CD109: variants seen among roughly 807,000 people sequenced by gnomAD.
CD109 encodes the protein CD109 antigen.
In CD109, 149 loss-of-function variants were observed where a neutral mutation model predicts 165.8. The observed-to-expected ratio is 0.90, with a 90% CI of 0.79 to 1.03. CD109 has a LOEUF of 1.03. Ranked by LOEUF, CD109 falls within the 50% of genes least tolerant of loss-of-function variation. The probability of loss-of-function intolerance (pLI) is 0.00; values close to 1 mark genes in which losing one functional copy is unlikely to be tolerated. For synonymous variants in CD109, 585 were observed against 592.1 expected, an observed-to-expected ratio of 0.99 and a Z score of 0.18; for missense variants, 1,712 against 1,677.8, an observed-to-expected ratio of 1.02 and a Z score of -0.36.
intron 2 of CD109, among the ~76,000 whole-genome samples, chr6:73,711,794 C>T (rs1357445575): frequency 1.5e-4 from 1 of 6,484 alleles, no homozygotes; most frequent in Admixed American, 1.8e-3. Flanking sequence ...GCCTCGGCCT[C>T]CCAAAGTGCT....
chr6:73,723,118 AT>A lies in CD109; in HGVS notation c.248-129del, dbSNP rs1467233009. On this transcript the variant is annotated intron_variant, in intron 2 of 32. Coordinates refer to ENST00000287097, the MANE Select transcript of CD109 (RefSeq NM_133493.5). ...TGGGTCTTCTGGGCATTTAAATGTC[AT>A]TTTGGTTTCACCAAATGTATTTATG... 1.3e-5 allele frequency: 20 copies of A among 1,547,676 alleles called. No homozygotes were observed. The African/African-American group carries it at 2.0e-4, about 15-fold the overall frequency.
intron 14 of CD109, 37 bp from the exon 15 acceptor site, chr6:73,771,392 A>G (rs1774027721): frequency 5.8e-6 from 9 of 1,558,308 alleles, no homozygotes; most frequent in Middle Eastern, 1.7e-4. Flanking sequence ...GCTTTAAAAA[A>G]GTGAAATAAG....
intron 22 of CD109, among the ~76,000 whole-genome samples, chr6:73,791,163 A>G: frequency 2.4e-5 from 1 of 41,716 alleles, no homozygotes; most frequent in Non-Finnish European, 4.1e-5. Context: ...ATATATATAT[A>G]TATATATATA....
chr6:73,756,717 A>C (rs1773406023), intron 6 of CD109, 35 bp downstream of exon 6: 1 of 1,408,592 alleles, frequency 7.1e-7, no homozygotes, highest in Admixed American at 2.4e-5. Flanking sequence ...GAAGAAAAAA[A>C]CATTTGTTAC....
rs1396230512 is a variant in CD109 at position 73,825,486 on chromosome 6, G to A, written c.*1853G>A. On this transcript the variant is annotated 3_prime_UTR_variant, in exon 33 of 33. Coordinates refer to ENST00000287097, the MANE Select transcript of CD109 (RefSeq NM_133493.5). ...ACTTTCCCCTCCTCTTTCCTGGCCT[G>A]GGAACCTTATACTGACAATCAATAC... The A allele has an allele frequency of 6.6e-6, 1 of 152,016 alleles. No homozygotes were observed. Among genetic ancestry groups the A allele is most frequent in the Non-Finnish European group, 1.5e-5 (1 of 68,020 alleles). The allele number at this position is 152,016 out of a possible 1,614,324, so 9.4% of individuals were successfully genotyped here.
intron 14 of CD109, among the ~76,000 whole-genome samples, chr6:73,768,479 T>G (rs1411152462): frequency 6.6e-6 from 1 of 152,250 alleles, no homozygotes; most frequent in Non-Finnish European, 1.5e-5. Context: ...ACTCAGATCA[T>G]GAAGCTGTTT....
rs569132325 is a variant in CD109, at chr6:73,742,418, A to T, written c.633+5910A>T. Among the ~76,000 whole-genome samples the T allele has an allele frequency of 9.8e-5, 15 of 152,338 alleles. No individual in the cohort carries two copies. In the South Asian group the frequency reaches 3.1e-3, roughly 32 times the overall value. ...GGTTGCGAATGTTTTTGCATCTATG[A>T]TTTAAAAATTATATTCGAGGTTATT... is the stretch of plus-strand genomic sequence containing the variant. On this transcript the variant is annotated intron_variant, in intron 5 of 32. Transcript: ENST00000287097.
At chr6:73,784,402 A>G (rs1473799244) in intron 19 of CD109, among the ~76,000 whole-genome samples, 2 of 152,224 alleles carry the variant, frequency 1.3e-5, no homozygotes, top group African/African-American at 4.8e-5. Context: ...AGAAATTGGA[A>G]TTAGATTGTA....
At chr6:73,812,446 A>G (rs987837654) in intron 29 of CD109, among the ~76,000 whole-genome samples, 176 bp downstream of exon 29, 12 of 152,278 alleles carry the variant, frequency 7.9e-5, no homozygotes, top group Admixed American at 4.6e-4. Flanking sequence ...TTGCCAGCCA[A>G]TGAGTAGAGA....
Position 73,807,075 on chromosome 6 carries a change from A to T in CD109, c.3189+3A>T. ...TCCTGGGATATAGAAAGTATCAGGT[A>T]TTTCGTATTTAATTTAATAAATGAT... On this transcript the variant is annotated splice_donor_region_variant and intron_variant, in intron 25 of 32. Coordinates refer to ENST00000287097, the MANE Select transcript of CD109 (RefSeq NM_133493.5). The T allele has an allele frequency of 6.3e-7, 1 of 1,598,898 alleles. No individual in the cohort carries two copies. Among genetic ancestry groups the T allele is most frequent in the South Asian group, 1.1e-5 (1 of 90,660 alleles).
chr6:73,723,128 C>A (rs1772021356), intron 2 of CD109, 123 bp from the exon 3 acceptor site: 1 of 1,558,666 alleles, frequency 6.4e-7, no homozygotes. Context: ...ATTTTGGTTT[C>A]ACCAAATGTA....
At chr6:73,756,974 G>C (rs961528590) in intron 6 of CD109, among the ~76,000 whole-genome samples, 11 of 152,060 alleles carry the variant, frequency 7.2e-5, no homozygotes, top group Non-Finnish European at 5.9e-5. Context: ...AATATTTAAA[G>C]TGTTGCACTT....
At chr6:73,757,602 A>G (rs1476925083) in intron 6 of CD109, among the ~76,000 whole-genome samples, 1 of 152,226 alleles carries the variant, frequency 6.6e-6, no homozygotes, top group Non-Finnish European at 1.5e-5. Flanking sequence ...GCCACTTGCC[A>G]TGTGTGGCTG....
intron 29 of CD109, among the ~76,000 whole-genome samples, chr6:73,814,511 A>G (rs60580295): frequency 0.024 from 3,606 of 152,274 alleles, 159 homozygotes; most frequent in African/African-American, 0.082. Flanking sequence ...TTTGACAAAC[A>G]TTGTATGAAC....
At chr6:73,755,261 T>C (rs1773346754) in intron 5 of CD109, among the ~76,000 whole-genome samples, 1 of 152,256 alleles carries the variant, frequency 6.6e-6, no homozygotes, top group South Asian at 2.1e-4. Flanking sequence ...TGAAGTTTCT[T>C]AAGACTTTGA....
Position 73,766,088 on chromosome 6 carries a change from C to T in CD109, c.1266C>T (p.Val422=), listed in dbSNP as rs756870458. The T allele has an allele frequency of 1.2e-6, 2 of 1,613,938 alleles. No individual in the cohort carries two copies. Among genetic ancestry groups the T allele is most frequent in the Non-Finnish European group, 8.5e-7 (1 of 1,179,980 alleles). The change falls in exon 11 of 33, where the codon GTC becomes GTT. Residue 422 remains valine (V), a synonymous_variant. Coordinates refer to ENST00000287097, the MANE Select transcript of CD109 (RefSeq NM_133493.5). ...CTGTTCAGAAAATAAATTATACTGT[C>T]CCCCAAAGTGGAACTTTTAAGATTG... ...MEAVQKINYT[V]PQSGTFKIEF...
chr6:73,816,651 T>C (rs1775948284), intron 30 of CD109, among the ~76,000 whole-genome samples: 1 of 152,166 alleles, frequency 6.6e-6, no homozygotes, highest in East Asian at 1.9e-4. Context: ...CGTGGGAATA[T>C]AATTGTAAGC....
the CD109 span, among the ~76,000 whole-genome samples, chr6:73,688,915 C>T: frequency 1.3e-5 from 2 of 151,702 alleles, no homozygotes; most frequent in South Asian, 2.1e-4. Flanking sequence ...ACTACAGCCA[C>T]GCACCACCAC....
chr6:73,725,170 A>G (rs993085027), intron 3 of CD109, among the ~76,000 whole-genome samples: 1 of 152,246 alleles, frequency 6.6e-6, no homozygotes, highest in African/African-American at 2.4e-5. Flanking sequence ...AAAACATTAG[A>G]TTGCATTAAA....
Sources: allele counts gnomAD v4.1 joint callset (sites outside exome capture counted in the v4.1 genomes callset), GRCh38; gene constraint gnomAD v4.1.1; transcripts MANE v1.5; gene names NCBI Gene and HGNC (gene_info 2026-07-23, HGNC 2026-07-21).